ANKFN1: variants seen among roughly 807,000 people sequenced by gnomAD.
ANKFN1 encodes the protein ankyrin repeat and fibronectin type III domain containing 1.
A neutral mutation model predicts 108.7 loss-of-function variants in ANKFN1; 74 were observed. That is an observed-to-expected ratio of 0.68 (90% CI 0.56 to 0.83). The LOEUF is 0.83. ANKFN1 is among the 40% of genes least tolerant of loss of function. ANKFN1 has a pLI of 0.00. For missense variants in ANKFN1, 1,505 were observed against 1,382.3 expected (o/e 1.09, Z -1.41); for synonymous variants, 547 against 516.2 (o/e 1.06, Z -0.81).
intron 3 of ANKFN1, among the ~76,000 whole-genome samples, chr17:56,271,754 A>G (rs988398252): frequency 1.3e-5 from 2 of 152,184 alleles, no homozygotes; most frequent in Non-Finnish European, 2.9e-5. Context: ...ATGGACCTGC[A>G]AGAGACCAGA....
chr17:56,365,100 A>C (rs755344736), intron 6 of ANKFN1, among the ~76,000 whole-genome samples: 30 of 152,182 alleles, frequency 2.0e-4, no homozygotes, highest in Non-Finnish European at 3.2e-4. Context: ...TCAGTAGTGA[A>C]GTTGTTAGAA....
intron 3 of ANKFN1, among the ~76,000 whole-genome samples, chr17:56,279,796 CTGTT>C (rs1273567760): frequency 1.3e-5 from 2 of 152,248 alleles, no homozygotes; most frequent in African/African-American, 2.4e-5. Flanking sequence ...TAAAGTGAAT[CTGTT>C]TGTAAGTTTT....
In ANKFN1 at chr17:56,464,394, C is replaced by T. The variant is rs544535935; in HGVS notation, c.1558-1962C>T. Among the ~76,000 whole-genome samples, 4 of 152,278 alleles carry T rather than the reference C, an allele frequency of 2.6e-5. No homozygotes were observed. In the South Asian group the frequency reaches 8.3e-4, roughly 32 times the overall value. On this transcript the variant is annotated intron_variant, in intron 14 of 20. Transcript: ENST00000682825. ...TGTTAATTAAGTCAACGAAAAGTGG[C>T]TGAGTCCTTTCCATGGGCAGGCACT...
chr17:56,511,341 G>T lies in ANKFN1; in HGVS notation c.*72G>T. On this transcript the variant is annotated 3_prime_UTR_variant, in exon 21 of 21. Coordinates refer to ENST00000682825, the MANE Select transcript of ANKFN1 (RefSeq NM_001370326.1). ...TTTACATCACCCTTACCCCCATCCT[G>T]CCCCACTGTGTACCCACTCATTTTC... is the stretch of plus-strand genomic sequence containing the variant. 1 of 1,350,292 alleles carries T rather than the reference G, an allele frequency of 7.4e-7. No individual in the cohort carries two copies. Among genetic ancestry groups the T allele is most frequent in the South Asian group, 1.5e-5 (1 of 67,910 alleles). The allele number at this position is 1,350,292 out of a possible 1,614,324, so 83.6% of individuals were successfully genotyped here.
chr17:56,322,427 G>A (rs2045398329), intron 3 of ANKFN1, among the ~76,000 whole-genome samples: 1 of 152,154 alleles, frequency 6.6e-6, no homozygotes, highest in Admixed American at 6.5e-5. Flanking sequence ...GCCAGGCCAG[G>A]TGGATCCTAA....
chr17:56,320,001 C>T (rs1397219550), intron 3 of ANKFN1, among the ~76,000 whole-genome samples: 1 of 152,110 alleles, frequency 6.6e-6, no homozygotes, highest in African/African-American at 2.4e-5. Flanking sequence ...TTTGCAGAGA[C>T]CTGGGTCTGA....
intron 16 of ANKFN1, among the ~76,000 whole-genome samples, chr17:56,479,363 A>G (rs114381012): frequency 2.6e-3 from 390 of 152,328 alleles, no homozygotes; most frequent in Middle Eastern, 0.01. Context: ...TTATGCGTGC[A>G]TATGCTAGTC....
intron 3 of ANKFN1, among the ~76,000 whole-genome samples, chr17:56,274,482 A>G (rs191992554): frequency 0.019 from 2,823 of 151,768 alleles, 96 homozygotes; most frequent in African/African-American, 0.063. Flanking sequence ...CAAAAAAATA[A>G]TAATAATAAT....
intron 1 of ANKFN1, among the ~76,000 whole-genome samples, chr17:56,159,582 T>C (rs963063017): frequency 1.3e-5 from 2 of 152,210 alleles, no homozygotes; most frequent in African/African-American, 2.4e-5. Flanking sequence ...GCTAAGTGTT[T>C]TTATGCAATG....
At chr17:56,416,727 A>G (rs2048251268) in intron 8 of ANKFN1, among the ~76,000 whole-genome samples, 1 of 152,240 alleles carries the variant, frequency 6.6e-6, no homozygotes, top group Non-Finnish European at 1.5e-5. Flanking sequence ...AAGAAAGAAC[A>G]TCAGTGTATC....
At chr17:56,406,627 A>G (rs1267809020) in intron 8 of ANKFN1, among the ~76,000 whole-genome samples, 1 of 152,182 alleles carries the variant, frequency 6.6e-6, no homozygotes, top group Non-Finnish European at 1.5e-5. Context: ...ACGTTAAATT[A>G]TTGAATGAAA....
chr17:56,391,306 C>T (rs1197735566), intron 8 of ANKFN1, among the ~76,000 whole-genome samples: 7 of 144,414 alleles, frequency 4.8e-5, no homozygotes, highest in African/African-American at 1.8e-4. Flanking sequence ...CACACAGTCT[C>T]GCTCTGTGTG....
In ANKFN1 at chr17:56,466,347, T is replaced by G. The variant is rs1298306941; in HGVS notation, c.1558-9T>G. 6.2e-7 allele frequency: 1 copy of G among 1,613,584 alleles called. No homozygotes were observed. The highest frequency in any genetic ancestry group is 8.5e-7 in the Non-Finnish European group (1 of 1,179,452). ...CCCTCTATGCTACCGGTAATCCATT[T>G]GTTTCCAGAATTTACTTGGGACACA... is the stretch of plus-strand genomic sequence containing the variant. On this transcript the variant is annotated splice_polypyrimidine_tract_variant and intron_variant, in intron 14 of 20. Coordinates refer to ENST00000682825, the MANE Select transcript of ANKFN1 (RefSeq NM_001370326.1).
chr17:56,136,822 C>T (rs556040672), intron 4 of ANKFN1, among the ~76,000 whole-genome samples: 14 of 152,248 alleles, frequency 9.2e-5, no homozygotes, highest in Non-Finnish European at 7.4e-5. Flanking sequence ...TATAAAAAAG[C>T]CAAAAGAAGA....
At chr17:56,376,442 T>G (rs2046950614) in intron 8 of ANKFN1, among the ~76,000 whole-genome samples, 3 of 152,190 alleles carry the variant, frequency 2.0e-5, no homozygotes, top group Admixed American at 2.0e-4. Flanking sequence ...CTGATACCTT[T>G]TCTTGGTTGT....
chr17:56,289,361 A>T (rs987126079), intron 3 of ANKFN1, among the ~76,000 whole-genome samples: 1 of 152,154 alleles, frequency 6.6e-6, no homozygotes, highest in East Asian at 1.9e-4. Context: ...CTTAGGTCTG[A>T]CTAGAAGGCC....
intron 8 of ANKFN1, among the ~76,000 whole-genome samples, chr17:56,412,810 G>A (rs2048131823): frequency 6.6e-6 from 1 of 152,124 alleles, no homozygotes; most frequent in Admixed American, 6.6e-5. Context: ...TTCACCTTAT[G>A]ATCATGTGAG....
intron 8 of ANKFN1, among the ~76,000 whole-genome samples, chr17:56,418,699 T>C (rs945699632): frequency 6.6e-6 from 1 of 152,018 alleles, no homozygotes; most frequent in Non-Finnish European, 1.5e-5. Flanking sequence ...GAAGGGACTT[T>C]CTCAAGGTCA....
At chr17:56,176,844 T>A (rs1911204892) in intron 1 of ANKFN1, among the ~76,000 whole-genome samples, 1 of 152,224 alleles carries the variant, frequency 6.6e-6, no homozygotes, top group Non-Finnish European at 1.5e-5. Flanking sequence ...GCCTCAGGAC[T>A]GATTACATAT....
Sources: gnomAD v4.1 joint callset for allele counts (sites outside exome capture counted in the v4.1 genomes callset) on GRCh38, gnomAD v4.1.1 for gene constraint, MANE v1.5 for transcripts, NCBI Gene and HGNC (gene_info 2026-07-23, HGNC 2026-07-21) for gene names.